The following PTPN2 variants were observed in gnomAD, a reference collection of about 807,000 sequenced individuals.
PTPN2 encodes the protein tyrosine-protein phosphatase non-receptor type 2.
Under a neutral mutation model 57.3 loss-of-function variants are expected in PTPN2, and 19 were observed. The observed-to-expected ratio is 0.33, with a 90% confidence interval of 0.23 to 0.49. PTPN2 has a LOEUF of 0.49. Among genes scored for constraint, PTPN2 ranks in the 20% least tolerant of loss-of-function variants. The pLI, the probability that PTPN2 is intolerant of heterozygous loss-of-function variation, is 0.99. For synonymous variants in PTPN2, 153 were observed against 164.9 expected, an observed-to-expected ratio of 0.93 and a Z score of 0.55; for missense variants, 358 against 501.1, an observed-to-expected ratio of 0.71 and a Z score of 2.73.
At position 12,817,315 on chromosome 18, in the gene PTPN2, A is replaced by G. The variant is rs760873756; in HGVS notation, c.546T>C (p.Asp182=). 30 of 1,613,924 alleles carry G rather than the reference A, an allele frequency of 1.9e-5. No individual in the cohort carries two copies. Among genetic ancestry groups the G allele is most frequent in the Non-Finnish European group, 2.5e-5 (29 of 1,179,924 alleles). ...ISHFHYTTWP[D]FGVPESPASF... ...AAGCTGGTGATTCAGGGACTCCAAA[A>G]TCTGGCCAGGTAGTATAATGAAAGT... The change falls in exon 6 of 9, where the codon GAT becomes GAC. Residue 182 remains aspartate, a synonymous_variant. Coordinates refer to ENST00000309660, the MANE Select transcript of PTPN2 (RefSeq NM_002828.4).
chr18:12,827,789 T>C (rs1461550652), intron 4 of PTPN2, among the ~76,000 whole-genome samples: 1 of 151,720 alleles, frequency 6.6e-6, no homozygotes, highest in Admixed American at 6.6e-5. Context: ...CCAACATACG[T>C]ATAATAGGAA....
intron 2 of PTPN2, among the ~76,000 whole-genome samples, chr18:12,847,034 G>A (rs74476023): frequency 0.15 from 17,965 of 116,048 alleles, 1,168 homozygotes; most frequent in Non-Finnish European, 0.19. Flanking sequence ...CTATGTACAA[G>A]ATTTTTGTCA....
At chr18:12,851,569 T>C (rs933729234) in intron 2 of PTPN2, among the ~76,000 whole-genome samples, 2 of 152,174 alleles carry the variant, frequency 1.3e-5, no homozygotes, top group African/African-American at 2.4e-5. Context: ...AAGAAGCCCA[T>C]GAACATGGAT....
intron 1 of PTPN2, among the ~76,000 whole-genome samples, chr18:12,877,081 G>A (rs1475165695): frequency 6.6e-6 from 1 of 152,136 alleles, no homozygotes. Flanking sequence ...ACACTGTATT[G>A]GCCCAGTGTT....
At chr18:12,859,401 A>C in intron 1 of PTPN2, 147 bp from the exon 2 acceptor site, 1 of 558,082 alleles carries the variant, frequency 1.8e-6, no homozygotes. Flanking sequence ...TAATCATTTA[A>C]TCCTCACAAT....
chr18:12,869,235 G>A (rs2044101778), intron 1 of PTPN2: 1 of 152,214 alleles, frequency 6.6e-6, no homozygotes, highest in Admixed American at 6.5e-5. Context: ...GGAATGCAGT[G>A]GTGTGATCAC....
At chr18:12,857,666 A>T (rs1474802190) in intron 2 of PTPN2, among the ~76,000 whole-genome samples, 3 of 152,208 alleles carry the variant, frequency 2.0e-5, no homozygotes, top group African/African-American at 7.2e-5. Context: ...AGGGCACCTA[A>T]GTATCAGAAT....
Position 12,847,048 on chromosome 18 carries a change from C to CAA in PTPN2, c.161-10159_161-10158dup, listed in dbSNP as rs11432890. ...ACTATGTACAAGATTTTTGTCAGTC[C>CAA]AAAAAAAAAAAAAGTTTCATCTGTT... On this transcript the variant is annotated intron_variant, in intron 2 of 8. Transcript: ENST00000309660. Among the ~76,000 whole-genome samples, 303 of 145,820 alleles carry CAA rather than the reference C, an allele frequency of 2.1e-3. 2 individuals carry two copies. Among genetic ancestry groups the CAA allele is most frequent in the Middle Eastern group, 7.1e-3 (2 of 282 alleles).
intron 2 of PTPN2, among the ~76,000 whole-genome samples, chr18:12,838,087 A>T (rs2042927611): frequency 6.6e-6 from 1 of 152,192 alleles, no homozygotes; most frequent in South Asian, 2.1e-4. Context: ...TAAAATAAAG[A>T]CCACATATCT....
chr18:12,850,300 G>A (rs2043350200), intron 2 of PTPN2, among the ~76,000 whole-genome samples: 1 of 152,008 alleles, frequency 6.6e-6, no homozygotes, highest in Admixed American at 6.6e-5. Flanking sequence ...AGACCAGCCT[G>A]GCCAACACAG....
chr18:12,874,623 G>A (rs1270097505), intron 1 of PTPN2, among the ~76,000 whole-genome samples: 5 of 139,156 alleles, frequency 3.6e-5, no homozygotes, highest in East Asian at 2.4e-4. Context: ...CGCCCCGTCC[G>A]GGAGGGAGGT....
chr18:12,859,395 C>A, intron 1 of PTPN2, 141 bp from the exon 2 acceptor site: 1 of 563,806 alleles, frequency 1.8e-6, no homozygotes, highest in Non-Finnish European at 3.1e-6. Flanking sequence ...ATCAATTAAT[C>A]ATTTAATCCT....
intron 1 of PTPN2, chr18:12,863,826 T>A (rs2043901068): frequency 6.6e-6 from 1 of 152,242 alleles, no homozygotes; most frequent in African/African-American, 2.4e-5. Flanking sequence ...CCAAAAATTT[T>A]AAATCTAATT....
chr18:12,811,595 G>A (rs1423210495), intron 7 of PTPN2, among the ~76,000 whole-genome samples: 2 of 151,976 alleles, frequency 1.3e-5, no homozygotes, highest in Non-Finnish European at 2.9e-5. Flanking sequence ...ATGTTCGACA[G>A]ACTCATTCAT....
At chr18:12,842,682 C>A (rs35320197) in intron 2 of PTPN2, among the ~76,000 whole-genome samples, 13,112 of 152,244 alleles carry the variant, frequency 0.086, 741 homozygotes, top group East Asian at 0.16. Context: ...CGGAGAGGAG[C>A]AGTCTGCAGT....
At position 12,792,153 on chromosome 18, in the gene PTPN2, G is replaced by C; in HGVS notation, c.*2125C>G. 1 of 835,416 alleles carries C rather than the reference G, an allele frequency of 1.2e-6. No homozygotes were observed. 51.8% of individuals were successfully genotyped at this position (835,416 alleles called of 1,614,324 possible). On this transcript the variant is annotated 3_prime_UTR_variant, in exon 9 of 9. Transcript: ENST00000309660. Reference sequence around the variant, plus strand: ...ATACTGAATCAGGACACAGGCACATGTTATATAAATCTTATTTAATATGTA... The same window carrying C: ...ATACTGAATCAGGACACAGGCACATCTTATATAAATCTTATTTAATATGTA...
downstream of PTPN2, among the ~76,000 whole-genome samples, chr18:12,789,629 AG>A (rs1012656179): frequency 5.3e-5 from 8 of 152,306 alleles, no homozygotes; most frequent in African/African-American, 1.9e-4. Flanking sequence ...CAACAGACTG[AG>A]AGCAATCTAT....
chr18:12,873,534 C>T (rs1356841523), intron 1 of PTPN2, among the ~76,000 whole-genome samples: 1 of 152,258 alleles, frequency 6.6e-6, no homozygotes, highest in African/African-American at 2.4e-5. Context: ...GAGTGATCCG[C>T]CAGCCTCGGC....
chr18:12,819,650 T>C (rs1215806774), intron 5 of PTPN2, among the ~76,000 whole-genome samples: 1 of 150,410 alleles, frequency 6.6e-6, no homozygotes, highest in African/African-American at 2.4e-5. Context: ...TTATTGTAGG[T>C]TAAAAAAAAA....
Sources: gnomAD v4.1 joint callset for allele counts (sites outside exome capture counted in the v4.1 genomes callset) on GRCh38, gnomAD v4.1.1 for gene constraint, MANE v1.5 for transcripts, NCBI Gene and HGNC (gene_info 2026-07-23, HGNC 2026-07-21) for gene names.